Variants in CZIB observed in about 807,000 individuals in gnomAD.
CZIB encodes UPF0587 protein C1orf123.
Under a neutral mutation model 28.3 loss-of-function variants are expected in CZIB, and 26 were observed. The ratio of observed to expected loss-of-function variants is 0.92; its 90% confidence interval spans 0.67 to 1.27. The LOEUF (loss-of-function observed/expected upper bound fraction) is 1.27. CZIB is among the 50% of genes most tolerant of loss of function. CZIB has a pLI of 0.00. For synonymous variants in CZIB, 78 were observed against 71.1 expected (o/e 1.10, Z -0.49); for missense variants, 179 against 197.3 (o/e 0.91, Z 0.56).
intron 7 of CZIB, among the ~76,000 whole-genome samples, chr1:53,215,273 G>A (rs192616761): frequency 1.4e-3 from 207 of 152,342 alleles, no homozygotes; most frequent in African/African-American, 5.0e-3. Context: ...CCAGGAGGCA[G>A]AGGTTGCAGT....
rs1306933369 is a variant in CZIB at position 53,218,928 on chromosome 1, G to C, written c.91-5C>G. 2 of 1,613,214 alleles carry C rather than the reference G, an allele frequency of 1.2e-6. No individual in the cohort carries two copies. Among genetic ancestry groups the C allele is most frequent in the African/African-American group, 2.7e-5 (2 of 74,852 alleles). On this transcript the variant is annotated splice_region_variant and splice_polypyrimidine_tract_variant and intron_variant, in intron 2 of 7. Transcript: ENST00000294360. Reference sequence around the variant, plus strand: ...ACCACAGTTGCCACATTTCATCTTTGGGGAAAAAGAATGTTAGTAAAGCAG... The same window carrying C: ...ACCACAGTTGCCACATTTCATCTTTCGGGAAAAAGAATGTTAGTAAAGCAG...
chr1:53,217,556 T>C (rs1158029741), intron 5 of CZIB: 2 of 153,522 alleles, frequency 1.3e-5, no homozygotes, highest in African/African-American at 2.4e-5. Flanking sequence ...TCTCTGGCAC[T>C]GGTAAGGCAC....
At chr1:53,217,073 C>A in intron 5 of CZIB, 1 of 509,710 alleles carries the variant, frequency 2.0e-6, no homozygotes, top group Non-Finnish European at 3.5e-6. Context: ...TGCAGAAGAG[C>A]GTGGATGCTG....
intron 2 of CZIB, chr1:53,219,515 C>T (rs1182297951): frequency 1.9e-5 from 3 of 153,848 alleles, no homozygotes; most frequent in African/African-American, 7.2e-5. Flanking sequence ...GGCCCCCGAC[C>T]CACTCTGCTT....
Position 53,220,349 on chromosome 1 carries a change from G to A in CZIB, c.7-5C>T, listed in dbSNP as rs748257393. 7 of 1,612,032 alleles carry A rather than the reference G, an allele frequency of 4.3e-6. No individual in the cohort carries two copies. Among genetic ancestry groups the A allele is most frequent in the Non-Finnish European group, 5.1e-6 (6 of 1,179,830 alleles). ...TTTGAGTTGCAGCGCGATTTTCTGA[G>A]GGGGAGGGCCAGAGCGACTGCGTCA... On this transcript the variant is annotated splice_region_variant and splice_polypyrimidine_tract_variant and intron_variant, in intron 1 of 7. Transcript: ENST00000294360.
At chr1:53,220,092 G>T in intron 2 of CZIB, 169 bp downstream of exon 2, 1 of 621,536 alleles carries the variant, frequency 1.6e-6, no homozygotes, top group Non-Finnish European at 2.8e-6. Flanking sequence ...GCCAATTAGA[G>T]ATAAACCAAT....
rs1645511260 is a variant in CZIB at position 53,220,242 on chromosome 1, G to A, written c.90+19C>T. The A allele has an allele frequency of 1.2e-6, 2 of 1,609,586 alleles. No individual in the cohort carries two copies. The highest frequency in any genetic ancestry group is 1.7e-6 in the Non-Finnish European group (2 of 1,177,768). On this transcript the variant is annotated intron_variant, in intron 2 of 7. Coordinates refer to ENST00000294360, the MANE Select transcript of CZIB (RefSeq NM_017887.3). Reference sequence around the variant, plus strand: ...GATCAGGACGGGCCTCCTCTCCCCGGGCCCCGCCCCGGCCGCACCTTCAGG... The same window carrying A: ...GATCAGGACGGGCCTCCTCTCCCCGAGCCCCGCCCCGGCCGCACCTTCAGG...
Position 53,215,994 on chromosome 1 carries a change from C to CA in CZIB, c.401_402insT (p.Glu134AspfsTer6), listed in dbSNP as rs755312565. On this transcript the variant is annotated frameshift_variant, in exon 7 of 8. Coordinates refer to ENST00000294360, the MANE Select transcript of CZIB (RefSeq NM_017887.3). LOFTEE classifies it high-confidence loss of function. ...CCAAAGCCCCCAAGTCTCATACCTTCTCCTGCAGATTAATGTCACTGAAGG... is the reference window on the plus strand; with the variant it reads ...CCAAAGCCCCCAAGTCTCATACCTTCATCCTGCAGATTAATGTCACTGAAGG... 1 of 1,613,956 alleles carries CA rather than the reference C, an allele frequency of 6.2e-7. No individual in the cohort carries two copies. Among genetic ancestry groups the CA allele is most frequent in the Non-Finnish European group, 8.5e-7 (1 of 1,179,934 alleles).
chr1:53,215,930 C>T, intron 7 of CZIB, 61 bp downstream of exon 7: 2 of 1,549,112 alleles, frequency 1.3e-6, no homozygotes. Context: ...GCCTTGTCCA[C>T]CAAAAAAATA....
At position 53,216,771 on chromosome 1, in the gene CZIB, TAC is replaced by T; in HGVS notation, c.339+9_339+10del. ...CAAAGACAAAGATTCCCCAGAAAGA[TAC>T]ACACACACCTGCGGCTGGAAATCAA... On this transcript the variant is annotated intron_variant, in intron 6 of 7. Coordinates refer to ENST00000294360, the MANE Select transcript of CZIB (RefSeq NM_017887.3). 6.2e-7 allele frequency: 1 copy of T among 1,613,016 alleles called. No homozygotes were observed. The highest frequency in any genetic ancestry group is 8.5e-7 in the Non-Finnish European group (1 of 1,179,044).
intron 1 of CZIB, 64 bp downstream of exon 1, chr1:53,220,506 C>T: frequency 6.3e-7 from 1 of 1,599,054 alleles, no homozygotes; most frequent in Non-Finnish European, 8.5e-7. Flanking sequence ...CTGGCGCGAG[C>T]TGTTGCCTCC....
intron 2 of CZIB, 147 bp downstream of exon 2, chr1:53,220,114 G>T: frequency 1.4e-6 from 1 of 692,402 alleles, no homozygotes; most frequent in Middle Eastern, 2.5e-4. Flanking sequence ...CACTTTAATA[G>T]AAAGCAAACG....
At chr1:53,219,815 C>T (rs1334277979) in intron 2 of CZIB, 2 of 159,694 alleles carry the variant, frequency 1.3e-5, no homozygotes, top group African/African-American at 4.8e-5. Context: ...TGAAGAGCCT[C>T]GAACTGCTGG....
At chr1:53,218,339 T>G in intron 4 of CZIB, 75 bp downstream of exon 4, 2 of 1,588,276 alleles carry the variant, frequency 1.3e-6, no homozygotes, top group South Asian at 1.1e-5. Context: ...TCAGGTAACA[T>G]GAGTCTACTT....
In CZIB at chr1:53,220,183, T is replaced by C. The variant is rs1645510465; in HGVS notation, c.90+78A>G. ...ATGTGCCTGGTTAAATATTTTCTCA[T>C]ACTGCCGGAGAGAAGGCTCCGGTTC... On this transcript the variant is annotated intron_variant, in intron 2 of 7. Transcript: ENST00000294360. The C allele has an allele frequency of 4.7e-6, 6 of 1,270,184 alleles. No homozygotes were observed. The African/African-American group carries it at 9.0e-5, about 19-fold the overall frequency. 78.7% of individuals were successfully genotyped at this position (1,270,184 alleles called of 1,614,324 possible).
chr1:53,216,475 G>A (rs561185475), intron 6 of CZIB, among the ~76,000 whole-genome samples: 2 of 152,300 alleles, frequency 1.3e-5, no homozygotes, highest in South Asian at 4.1e-4. Context: ...GATAGATCTG[G>A]GTTGAAACTA....
chr1:53,216,719 T>C (rs191425945), intron 6 of CZIB, 63 bp downstream of exon 6: 2 of 1,423,626 alleles, frequency 1.4e-6, no homozygotes, highest in Non-Finnish European at 2.0e-6. Context: ...AGCACAGTTC[T>C]GGCTGTCACT....
Position 53,214,713 on chromosome 1 carries a change from C to T in CZIB, c.429G>A (p.Lys143=), listed in dbSNP as rs762878519. The change falls in exon 8 of 8, where the codon AAG becomes AAA. Residue 143 remains lysine (K), a synonymous_variant. Transcript: ENST00000294360. ...CATAGATTCCCACAGACTCCTGGGC[C>T]TTTTCATCATAGTCAGTCCAGTCCT... ...QEKDWTDYDE[K]AQESVGIYEV... 6.2e-7 allele frequency: 1 copy of T among 1,614,076 alleles called. No individual in the cohort carries two copies. The highest frequency in any genetic ancestry group is 1.1e-5 in the South Asian group (1 of 91,086).
At chr1:53,220,396 G>A (rs779287927) in intron 1 of CZIB, 52 bp from the exon 2 acceptor site, 4 of 1,594,996 alleles carry the variant, frequency 2.5e-6, no homozygotes, top group South Asian at 1.1e-5. Flanking sequence ...GCAGCCCCAC[G>A]CCTGCCCGAC....
Sources: gnomAD v4.1 joint callset for allele counts (sites outside exome capture counted in the v4.1 genomes callset) on GRCh38, gnomAD v4.1.1 for gene constraint, MANE v1.5 for transcripts, NCBI Gene and HGNC (gene_info 2026-07-23, HGNC 2026-07-21) for gene names.